The following PRAC2 variants were observed in gnomAD, a reference collection of about 807,000 sequenced individuals.
PRAC2 encodes the protein PRAC2 small nuclear protein.
For synonymous variants in PRAC2, 43 were observed against 49.5 expected (o/e 0.87, Z 0.55); for missense variants, 92 against 114.5 (o/e 0.80, Z 0.90).
intron 1 of PRAC2, among the ~76,000 whole-genome samples, chr17:48,723,975 A>G (rs888091759): frequency 7.2e-5 from 11 of 152,236 alleles, no homozygotes; most frequent in African/African-American, 2.7e-4. Flanking sequence ...AGCTCAGGGT[A>G]CAATTGCGCC....
upstream of PRAC2, chr17:48,722,253 C>A: frequency 7.2e-7 from 1 of 1,381,592 alleles, no homozygotes; most frequent in Non-Finnish European, 1.0e-6. Flanking sequence ...CTCCCAGGGC[C>A]TCCTGATGCA....
In PRAC2 at chr17:48,723,844, A is replaced by G. The variant is rs1447535826; in HGVS notation, c.-83-484A>G. 90 of 1,127,602 alleles carry G rather than the reference A, an allele frequency of 8.0e-5. No individual in the cohort carries two copies. In the East Asian group the frequency reaches 2.9e-3, roughly 36 times the overall value. 69.8% of individuals were successfully genotyped at this position (1,127,602 alleles called of 1,614,324 possible). On this transcript the variant is annotated intron_variant, in intron 1 of 1. Coordinates refer to ENST00000422730, the MANE Select transcript of PRAC2 (RefSeq NM_001282275.2). Reference sequence around the variant, plus strand: ...GCCTAATAAAATCCACTTGCTTTGGAGTTAGAAATTATTTCGGGCCTGGAG... The same window carrying G: ...GCCTAATAAAATCCACTTGCTTTGGGGTTAGAAATTATTTCGGGCCTGGAG...
upstream of PRAC2, chr17:48,722,383 C>T (rs1314233252): frequency 1.9e-6 from 3 of 1,614,006 alleles, no homozygotes; most frequent in Non-Finnish European, 2.5e-6. Flanking sequence ...GAGAAATGGG[C>T]GCACAACATC....
intron 1 of PRAC2, among the ~76,000 whole-genome samples, chr17:48,724,025 A>T (rs1002619350): frequency 2.0e-5 from 3 of 152,166 alleles, no homozygotes; most frequent in African/African-American, 7.2e-5. Context: ...TCCGGAGTAT[A>T]TGTGTGTGCC....
chr17:48,721,821 G>T (rs1232703813), upstream of PRAC2: 1 of 1,541,222 alleles, frequency 6.5e-7, no homozygotes. Flanking sequence ...TTCCTGCCTC[G>T]GCCTCCCGAA....
upstream of PRAC2, among the ~76,000 whole-genome samples, chr17:48,720,061 C>T (rs1231003372): frequency 6.6e-6 from 1 of 152,190 alleles, no homozygotes; most frequent in East Asian, 1.9e-4. Flanking sequence ...GGGCGACGGG[C>T]TGGGCCCACC....
chr17:48,718,740 C>A (rs994221816), upstream of PRAC2, among the ~76,000 whole-genome samples: 5 of 152,162 alleles, frequency 3.3e-5, no homozygotes, highest in African/African-American at 1.2e-4. Flanking sequence ...TTTCCCGGGC[C>A]GCGAAGGCCT....
At chr17:48,722,666 C>T (rs778248143), upstream of PRAC2, 36 of 459,476 alleles carry the variant, frequency 7.8e-5, no homozygotes, top group Non-Finnish European at 1.3e-4. Context: ...CTCGCCTCCC[C>T]GCAAACCTCC....
upstream of PRAC2, chr17:48,722,190 C>A: frequency 1.2e-6 from 1 of 813,748 alleles, no homozygotes. Flanking sequence ...TGCTGCTCAC[C>A]CTTCCCTTGT....
In PRAC2 at chr17:48,724,742, A is replaced by G; in HGVS notation, c.*59A>G. The G allele has an allele frequency of 1.1e-6, 1 of 900,758 alleles. No homozygotes were observed. The highest frequency in any genetic ancestry group is 4.3e-5 in the Admixed American group (1 of 23,340). 55.8% of individuals were successfully genotyped at this position (900,758 alleles called of 1,614,324 possible). A position where few individuals can be genotyped will look rare whatever the true frequency, so the allele number is the denominator to read the frequency against. Reference sequence around the variant, plus strand: ...AATGGTCCTAACACACCAGTGGAATAAATCTCTAAGATTCCACATCTTTTG... The same window carrying G: ...AATGGTCCTAACACACCAGTGGAATGAATCTCTAAGATTCCACATCTTTTG... On this transcript the variant is annotated 3_prime_UTR_variant, in exon 2 of 2. Coordinates refer to ENST00000422730, the MANE Select transcript of PRAC2 (RefSeq NM_001282275.2).
At chr17:48,719,775 C>T (rs746331613), upstream of PRAC2, among the ~76,000 whole-genome samples, 1 of 152,148 alleles carries the variant, frequency 6.6e-6, no homozygotes, top group Non-Finnish European at 1.5e-5. Flanking sequence ...CTCAAGAATC[C>T]GGCTTTTAGC....
chr17:48,722,264 G>A, upstream of PRAC2: 2 of 1,465,746 alleles, frequency 1.4e-6, no homozygotes, highest in East Asian at 2.3e-5. Flanking sequence ...TCCTGATGCA[G>A]CTACCATACT....
upstream of PRAC2, among the ~76,000 whole-genome samples, chr17:48,719,273 A>G (rs367850714): frequency 4.6e-3 from 693 of 152,132 alleles, 5 homozygotes; most frequent in African/African-American, 0.015. Context: ...CCGTCTGAGC[A>G]GGCCGCTCCT....
At chr17:48,722,293 G>A (rs2038154058), upstream of PRAC2, 1 of 1,590,948 alleles carries the variant, frequency 6.3e-7, no homozygotes, top group Admixed American at 1.7e-5. Context: ...CGTCGATAAC[G>A]CCCTTGGCCC....
chr17:48,718,765 G>C (rs1352370778), upstream of PRAC2, among the ~76,000 whole-genome samples: 1 of 152,186 alleles, frequency 6.6e-6, no homozygotes, highest in African/African-American at 2.4e-5. Flanking sequence ...ATCGCAAGTT[G>C]AGGAGGAGAA....
chr17:48,722,366 T>G, upstream of PRAC2: 1 of 1,614,208 alleles, frequency 6.2e-7, no homozygotes, highest in Non-Finnish European at 8.5e-7. Flanking sequence ...GGGCCGGTCC[T>G]TGATCTGAGA....
chr17:48,722,343 G>T, upstream of PRAC2: 1 of 1,614,170 alleles, frequency 6.2e-7, no homozygotes, highest in South Asian at 1.1e-5. Flanking sequence ...AGCACTCTTG[G>T]AGGTAGTAAG....
At chr17:48,722,473 C>T (rs1290353145), upstream of PRAC2, 1 of 1,212,532 alleles carries the variant, frequency 8.2e-7, no homozygotes, top group Non-Finnish European at 1.2e-6. Flanking sequence ...AGGTTTCAGC[C>T]TCCCAGTGGC....
At chr17:48,723,874 C>A in intron 1 of PRAC2, 2 of 849,484 alleles carry the variant, frequency 2.4e-6, no homozygotes. Context: ...CTGGAGCCCG[C>A]GTAGACGCGA....
Sources: allele counts gnomAD v4.1 joint callset (sites outside exome capture counted in the v4.1 genomes callset), GRCh38; gene constraint gnomAD v4.1.1; transcripts MANE v1.5; gene names NCBI Gene and HGNC (gene_info 2026-07-23, HGNC 2026-07-21).